Variants in SLC29A3 observed in about 807,000 individuals in gnomAD.
SLC29A3 encodes equilibrative nucleoside transporter 3.
In SLC29A3, 18 loss-of-function variants were observed where a neutral mutation model predicts 25.4. The observed-to-expected ratio is 0.71, with a 90% confidence interval of 0.49 to 1.05. SLC29A3 has a LOEUF of 1.05. SLC29A3 is among the 50% of genes least tolerant of loss of function. The pLI is 0.00. For missense variants in SLC29A3, 586 were observed against 609.0 expected, an observed-to-expected ratio of 0.96 and a Z score of 0.40; for synonymous variants, 258 against 267.1, an observed-to-expected ratio of 0.97 and a Z score of 0.33.
chr10:71,333,485 C>T (rs1846169266), intron 2 of SLC29A3, among the ~76,000 whole-genome samples: 1 of 152,230 alleles, frequency 6.6e-6, no homozygotes, highest in African/African-American at 2.4e-5. Flanking sequence ...AAGTGCCTGC[C>T]AGGGGTTGGC....
At position 71,369,746 on chromosome 10, in the gene SLC29A3, T is replaced by G. The variant is rs950870470; in HGVS notation, c.*95-5949T>G. Among the ~76,000 whole-genome samples, 5 of 152,332 alleles carry G rather than the reference T, an allele frequency of 3.3e-5. No individual in the cohort carries two copies. The East Asian group carries it at 7.7e-4, about 24-fold the overall frequency. ...AGCTACTATGGTCAGGCTCTGCCTA[T>G]GTACAGTATCCCTGCCAGGTGGGGT... is the stretch of plus-strand genomic sequence containing the variant. On this transcript the variant is annotated intron_variant and NMD_transcript_variant, in intron 3 of 4. Transcript: ENST00000642772.
At chr10:71,350,187 G>A (rs898567782) in intron 3 of SLC29A3, among the ~76,000 whole-genome samples, 1 of 152,154 alleles carries the variant, frequency 6.6e-6, no homozygotes, top group Non-Finnish European at 1.5e-5. Context: ...ATACCCCTTA[G>A]AAAGCAGTGA....
chr10:71,367,195 GC>G (rs545370416), downstream of SLC29A3, among the ~76,000 whole-genome samples: 36 of 83,886 alleles, frequency 4.3e-4, no homozygotes, highest in East Asian at 0.011. Flanking sequence ...CGGGGGGCCA[GC>G]CGTGGTGATG....
intron 1 of SLC29A3, among the ~76,000 whole-genome samples, 163 bp from the exon 2 acceptor site, chr10:71,322,593 C>A (rs1487967894): frequency 6.6e-6 from 1 of 152,192 alleles, no homozygotes; most frequent in African/African-American, 2.4e-5. Flanking sequence ...TTGTCTTTCT[C>A]CCTGATCCTT....
At chr10:71,337,395 C>T (rs1027880475) in intron 2 of SLC29A3, among the ~76,000 whole-genome samples, 6 of 152,264 alleles carry the variant, frequency 3.9e-5, no homozygotes, top group Non-Finnish European at 7.3e-5. Context: ...TATCCGAAAG[C>T]GGCAAGTTTG....
At chr10:71,369,546 A>T (rs1847195448) in intron 3 of SLC29A3, among the ~76,000 whole-genome samples, 1 of 152,218 alleles carries the variant, frequency 6.6e-6, no homozygotes. Context: ...AAAAATGAGA[A>T]CACTACAGGT....
downstream of SLC29A3, chr10:71,364,304 T>G (rs990066691): frequency 6.6e-6 from 1 of 152,236 alleles, no homozygotes; most frequent in Non-Finnish European, 1.5e-5. Flanking sequence ...GTTGCTTTGT[T>G]CTGGTTTGTT....
rs376797055 is a variant in SLC29A3 at position 71,319,888 on chromosome 10, C to G, written c.1+578C>G. 2.4e-3 allele frequency among the ~76,000 whole-genome samples: 372 copies of G among 152,344 alleles called. 3 individuals are homozygous for G. Among genetic ancestry groups the G allele is most frequent in the African/African-American group, 8.3e-3 (346 of 41,576 alleles). The stretch of plus-strand genomic sequence containing the variant: ...CCGCGGCCCCAGCAGTGCCTGCCTC[C>G]TTGTGTGGGGCTGTCTGTCTGTGCA... On this transcript the variant is annotated intron_variant, in intron 1 of 5. Coordinates refer to ENST00000373189, the MANE Select transcript of SLC29A3 (RefSeq NM_018344.6).
Position 71,323,076 on chromosome 10 carries a change from A to G in SLC29A3, c.300+22A>G, listed in dbSNP as rs1320398057. 4 of 1,611,842 alleles carry G rather than the reference A, an allele frequency of 2.5e-6. No individual in the cohort carries two copies. In the African/African-American group the frequency reaches 5.3e-5, roughly 22 times the overall value. On this transcript the variant is annotated intron_variant, in intron 2 of 5. Coordinates refer to ENST00000373189, the MANE Select transcript of SLC29A3 (RefSeq NM_018344.6). ...CCTGGTAAGGGCATGTTTCTCCTGC[A>G]AGGCTGGTGGGAGCATACAGAGGCC...
In SLC29A3 at chr10:71,363,340, G is replaced by A. The variant is rs1201075889; in HGVS notation, c.*732G>A. 2.2e-6 allele frequency: 1 copy of A among 453,994 alleles called. No homozygotes were observed. The highest frequency in any genetic ancestry group is 2.4e-5 in the Admixed American group (1 of 42,552). 28.1% of individuals were successfully genotyped at this position (453,994 alleles called of 1,614,324 possible). ...CTTTCAGTGTTCCTGTTTACAACAT[G>A]TCAAAGCCATTGGTTCAAGGGCGTA... is the stretch of plus-strand genomic sequence containing the variant. On this transcript the variant is annotated 3_prime_UTR_variant, in exon 6 of 6. Transcript: ENST00000373189.
chr10:71,320,849 G>A (rs1423679003), intron 1 of SLC29A3, among the ~76,000 whole-genome samples: 3 of 152,208 alleles, frequency 2.0e-5, no homozygotes, highest in African/African-American at 7.2e-5. Context: ...TTCAAGGCTT[G>A]CAGGAAGGAT....
chr10:71,358,203 G>C (rs377013986), intron 5 of SLC29A3, among the ~76,000 whole-genome samples: 11 of 152,198 alleles, frequency 7.2e-5, no homozygotes, highest in Middle Eastern at 3.4e-3. Flanking sequence ...TCCCTGGCTC[G>C]CAACTGCAAG....
chr10:71,342,577 G>A (rs971263382), intron 2 of SLC29A3, among the ~76,000 whole-genome samples: 5 of 152,212 alleles, frequency 3.3e-5, no homozygotes, highest in African/African-American at 1.2e-4. Context: ...TACACAGATC[G>A]AGCAGCCACT....
At chr10:71,349,857 C>A (rs1337672638) in intron 3 of SLC29A3, among the ~76,000 whole-genome samples, 1 of 152,218 alleles carries the variant, frequency 6.6e-6, no homozygotes, top group Non-Finnish European at 1.5e-5. Flanking sequence ...ACATTGCCTC[C>A]AAATGGCCTT....
At chr10:71,351,527 G>A (rs888695971) in intron 3 of SLC29A3, 35 bp from the exon 4 acceptor site, 53 of 1,603,116 alleles carry the variant, frequency 3.3e-5, no homozygotes, top group Non-Finnish European at 4.2e-5. Flanking sequence ...GAGCCCCGAA[G>A]GGGTGTCTAA....
intron 3 of SLC29A3, among the ~76,000 whole-genome samples, chr10:71,374,450 G>A (rs1187220378): frequency 2.6e-5 from 4 of 152,170 alleles, no homozygotes; most frequent in African/African-American, 4.8e-5. Flanking sequence ...TAACTTCATG[G>A]TAAGAAGATA....
chr10:71,334,375 C>T (rs1014930733), intron 2 of SLC29A3, among the ~76,000 whole-genome samples: 5 of 152,190 alleles, frequency 3.3e-5, no homozygotes, highest in Non-Finnish European at 7.3e-5. Flanking sequence ...GGGGGTAACC[C>T]GCTGCTAACC....
Position 71,323,579 on chromosome 10 carries a change from ATTG to A in SLC29A3, c.300+526_300+528del, listed in dbSNP as rs1845901956. Among the ~76,000 whole-genome samples, 3 of 152,238 alleles carry A rather than the reference ATTG, an allele frequency of 2.0e-5. No individual in the cohort carries two copies. In the South Asian group the frequency reaches 6.2e-4, roughly 31 times the overall value. ...AAGTAACATACATTGCTCTTCTTAC[ATTG>A]CATTGGTCAAAACTTAGGCATGTGA... On this transcript the variant is annotated intron_variant, in intron 2 of 5. Coordinates refer to ENST00000373189, the MANE Select transcript of SLC29A3 (RefSeq NM_018344.6).
At chr10:71,337,638 G>A (rs1021245188) in intron 2 of SLC29A3, among the ~76,000 whole-genome samples, 4 of 152,242 alleles carry the variant, frequency 2.6e-5, no homozygotes, top group South Asian at 2.1e-4. Flanking sequence ...GCCGCAGCTC[G>A]TGACTAATTT....
Sources: gnomAD v4.1 joint callset for allele counts (sites outside exome capture counted in the v4.1 genomes callset) on GRCh38, gnomAD v4.1.1 for gene constraint, MANE v1.5 for transcripts, NCBI Gene and HGNC (gene_info 2026-07-23, HGNC 2026-07-21) for gene names.